GEMIN5: variants seen among roughly 807,000 people sequenced by gnomAD.
The protein encoded by GEMIN5 is gem-associated protein 5.
GEMIN5 carries 124 observed loss-of-function variants against 176.9 expected under a neutral mutation model. The observed-to-expected ratio is 0.70, with a 90% CI of 0.61 to 0.81. The LOEUF (loss-of-function observed/expected upper bound fraction) is 0.81. GEMIN5 is among the 40% of genes least tolerant of loss of function. The pLI is 0.00. For missense variants in GEMIN5, 1,843 were observed against 1,814.6 expected (o/e 1.02, Z -0.28); for synonymous variants, 673 against 665.2 (o/e 1.01, Z -0.18).
At position 154,896,245 on chromosome 5, in the gene GEMIN5, C is replaced by T. The variant is rs1763349904; in HGVS notation, c.3444G>A (p.Trp1148Ter). 1 of 1,613,856 alleles carries T rather than the reference C, an allele frequency of 6.2e-7. No individual in the cohort carries two copies. The highest frequency in any genetic ancestry group is 8.5e-7 in the Non-Finnish European group (1 of 1,179,918). ...EGKSSSSYHT[W>*]NTGTEGPFVE... is the part of the protein sequence containing the mutation. ...CGAAAGGCCCTTCGGTGCCCGTGTT[C>T]CAAGTGTGGTAAGAGGAGGAGCTTT... The change falls in exon 24 of 28, where the codon TGG (tryptophan) becomes TGA (stop). Residue 1148 changes from tryptophan (W) to a stop codon, truncating the protein, a stop_gained. Transcript: ENST00000285873. LOFTEE classifies it high-confidence loss of function.
Position 154,888,148 on chromosome 5 carries a change from C to T in GEMIN5, c.*62G>A. 2 of 1,474,980 alleles carry T rather than the reference C, an allele frequency of 1.4e-6. No individual in the cohort carries two copies. Among genetic ancestry groups the T allele is most frequent in the South Asian group, 1.1e-5 (1 of 87,950 alleles). The allele number at this position is 1,474,980 out of a possible 1,614,324, so 91.4% of individuals were successfully genotyped here. On this transcript the variant is annotated 3_prime_UTR_variant, in exon 28 of 28. Coordinates refer to ENST00000285873, the MANE Select transcript of GEMIN5 (RefSeq NM_015465.5). ...AGAGTGAATGTCTGGTGAGGCATAA[C>T]TGCAGAGGTGAAAGATGTCAAACAT... is the stretch of plus-strand genomic sequence containing the variant.
chr5:154,924,534 CT>C lies in GEMIN5; in HGVS notation c.1313del (p.Lys438ArgfsTer5). The C allele has an allele frequency of 1.2e-6, 2 of 1,611,568 alleles. No homozygotes were observed. The highest frequency in any genetic ancestry group is 1.7e-6 in the Non-Finnish European group (2 of 1,177,804). The part of the protein sequence containing the change: ...KVTALCWHPT[K>X]EGCLAFGTDD... The stretch of plus-strand genomic sequence containing the variant: ...CAGTTCCAAAAGCTAAGCAACCTTC[CT>C]TGGTTGGGTGCCAGCACAGCTACAA... On this transcript the variant is annotated frameshift_variant, in exon 9 of 28. Coordinates refer to ENST00000285873, the MANE Select transcript of GEMIN5 (RefSeq NM_015465.5). LOFTEE classifies it high-confidence loss of function.
At position 154,937,970 on chromosome 5, in the gene GEMIN5, C is replaced by A; in HGVS notation, c.164G>T (p.Arg55Leu). 6.4e-7 allele frequency: 1 copy of A among 1,572,510 alleles called. No individual in the cohort carries two copies. The highest frequency in any genetic ancestry group is 2.5e-5 in the East Asian group (1 of 39,430). ...AGESPGTPPFRVIGELVGHTE... is the reference protein window; with the variant it reads ...AGESPGTPPFLVIGELVGHTE... ...CGGGCCCAAGGGTGGTGAGTTACCT[C>A]GAAACGGGGGTGTCCCTGGACTCTC... The change falls in exon 1 of 28, where the codon CGA (arginine) becomes CTA (leucine). Residue 55 changes from arginine (R) to leucine (L), a missense_variant and splice_region_variant. Coordinates refer to ENST00000285873, the MANE Select transcript of GEMIN5 (RefSeq NM_015465.5).
Position 154,904,566 on chromosome 5 carries a change from C to T in GEMIN5, c.2573G>A (p.Arg858Lys), listed in dbSNP as rs1561714755. ...GTCCTGATGAAGCTCCTCTTTGGAT[C>T]TGTGGTCCAGGCTTGTACTCAGGGG... ...LLPLSTSLDH[R>K]SKEELHQDCL... The change falls in exon 18 of 28, where the codon AGA becomes AAA. Residue 858 changes from arginine to lysine, a missense_variant. Arg to Lys is a conservative substitution (Grantham distance 26). Coordinates refer to ENST00000285873, the MANE Select transcript of GEMIN5 (RefSeq NM_015465.5). The T allele has an allele frequency of 6.2e-7, 1 of 1,612,858 alleles. No homozygotes were observed. Among genetic ancestry groups the T allele is most frequent in the South Asian group, 1.1e-5 (1 of 91,058 alleles).
chr5:154,927,653 C>T (rs1382989813), intron 6 of GEMIN5, 103 bp from the exon 7 acceptor site: 33 of 847,092 alleles, frequency 3.9e-5, no homozygotes, highest in Admixed American at 7.3e-5. Context: ...GATTTGTTGT[C>T]GTTTAAGGAG....
Position 154,935,991 on chromosome 5 carries a change from C to G in GEMIN5, c.359G>C (p.Arg120Pro). ...HTISTLHWSP[R>P]VKDLIVSGDE... ...CCCAGATACTATTAAGTCCTTTACT[C>G]GAGGAGACCAATGTAATGTTGATAT... is the stretch of plus-strand genomic sequence containing the variant. Residue 120 changes from arginine (R) to proline (P), a missense_variant, in exon 3 of 28, where the codon CGA becomes CCA. By Grantham distance (103) the Arg-to-Pro change is moderately radical (BLOSUM62 -2). Coordinates refer to ENST00000285873, the MANE Select transcript of GEMIN5 (RefSeq NM_015465.5). 1 of 1,610,334 alleles carries G rather than the reference C, an allele frequency of 6.2e-7. No homozygotes were observed. Among genetic ancestry groups the G allele is most frequent in the Non-Finnish European group, 8.5e-7 (1 of 1,178,006 alleles).
chr5:154,889,523 A>G (rs1018281645), intron 26 of GEMIN5, 106 bp from the exon 27 acceptor site: 25 of 569,924 alleles, frequency 4.4e-5, no homozygotes, highest in Non-Finnish European at 7.5e-5. Flanking sequence ...AAAGCTTACC[A>G]TCTTAGCCAT....
chr5:154,896,921 C>T (rs1400975003), intron 23 of GEMIN5, among the ~76,000 whole-genome samples: 2 of 152,200 alleles, frequency 1.3e-5, no homozygotes, highest in African/African-American at 4.8e-5. Flanking sequence ...TCCTTGTGTA[C>T]TCCTATAACA....
chr5:154,892,746 C>A, intron 24 of GEMIN5, 197 bp from the exon 25 acceptor site: 2 of 567,030 alleles, frequency 3.5e-6, no homozygotes. Context: ...AGCACACACA[C>A]GTCCCGGTGT....
At chr5:154,925,839 A>G in intron 8 of GEMIN5, 23 bp downstream of exon 8, 1 of 1,424,066 alleles carries the variant, frequency 7.0e-7, no homozygotes, top group Non-Finnish European at 9.8e-7. Context: ...AGTTCAAAAC[A>G]AGCTCAAAAA....
chr5:154,931,119 CTT>C (rs1764153079), intron 5 of GEMIN5, among the ~76,000 whole-genome samples: 1 of 152,228 alleles, frequency 6.6e-6, no homozygotes, highest in Non-Finnish European at 1.5e-5. Flanking sequence ...AGCTCTAACT[CTT>C]AAGATATTTT....
At chr5:154,930,007 G>A (rs1383728283) in intron 5 of GEMIN5, among the ~76,000 whole-genome samples, 2 of 152,196 alleles carry the variant, frequency 1.3e-5, no homozygotes, top group Non-Finnish European at 2.9e-5. Flanking sequence ...ATGTCAGTAT[G>A]TTCAATTATT....
At position 154,911,823 on chromosome 5, in the gene GEMIN5, A is replaced by C. The variant is rs1226338004; in HGVS notation, c.2071T>G (p.Ser691Ala). Residue 691 changes from serine (S) to alanine (A), a missense_variant, in exon 15 of 28, where the codon TCT becomes GCT. Coordinates refer to ENST00000285873, the MANE Select transcript of GEMIN5 (RefSeq NM_015465.5). ...HRGRLLCVAW[S>A]PLDPDCIYSG... is the part of the protein sequence containing the mutation. ...TAGATGCAGTCTGGATCCAAAGGAG[A>C]CCATGCCACACAAAGCAGTCGACCT... The C allele has an allele frequency of 6.2e-7, 1 of 1,613,942 alleles. No homozygotes were observed. Among genetic ancestry groups the C allele is most frequent in the South Asian group, 1.1e-5 (1 of 91,070 alleles).
chr5:154,892,989 C>T (rs761533374), intron 24 of GEMIN5, among the ~76,000 whole-genome samples: 7 of 151,862 alleles, frequency 4.6e-5, no homozygotes, highest in African/African-American at 7.3e-5. Context: ...CCCAGCTACT[C>T]GGGAGGCTGA....
At chr5:154,936,927 T>G in intron 2 of GEMIN5, 98 bp downstream of exon 2, 1 of 858,632 alleles carries the variant, frequency 1.2e-6, no homozygotes, top group Non-Finnish European at 1.8e-6. Context: ...CAATTACAAG[T>G]TACTTTGCAC....
intron 17 of GEMIN5, among the ~76,000 whole-genome samples, 194 bp downstream of exon 17, chr5:154,905,169 G>A (rs965045521): frequency 6.6e-6 from 1 of 152,108 alleles, no homozygotes; most frequent in Non-Finnish European, 1.5e-5. Flanking sequence ...ACTCCAGCCT[G>A]GGTGACTGGA....
At chr5:154,922,697 G>GTT (rs941015595) in intron 9 of GEMIN5, among the ~76,000 whole-genome samples, 1,807 of 135,302 alleles carry the variant, frequency 0.013, 47 homozygotes, top group African/African-American at 0.044. Flanking sequence ...CTTTAAAACA[G>GTT]TTTTTTTTTT....
intron 27 of GEMIN5, among the ~76,000 whole-genome samples, 180 bp downstream of exon 27, chr5:154,889,141 G>C (rs900309772): frequency 6.7e-6 from 1 of 149,090 alleles, no homozygotes; most frequent in African/African-American, 2.4e-5. Flanking sequence ...CTCCCAAAGC[G>C]CTGGGATTAC....
In GEMIN5 at chr5:154,925,896, T is replaced by C. The variant is rs769324168; in HGVS notation, c.1259A>G (p.Asn420Ser). The C allele has an allele frequency of 1.2e-5, 19 of 1,613,470 alleles. No homozygotes were observed. Among genetic ancestry groups the C allele is most frequent in the Admixed American group, 1.0e-4 (6 of 59,986 alleles). The change falls in exon 8 of 28, where the codon AAT becomes AGT. Residue 420 changes from asparagine to serine, a missense_variant. By Grantham distance (46) the Asn-to-Ser change is conservative (BLOSUM62 1). Coordinates refer to ENST00000285873, the MANE Select transcript of GEMIN5 (RefSeq NM_015465.5). ...LSIKNNYDVK[N>S]FWQGVKSKVT... ...CTTGGACTTCACGCCTTGCCAAAAA[T>C]TTTTCACATCATAGTTGTTCTTTAT...
Sources: gnomAD v4.1 joint callset for allele counts (sites outside exome capture counted in the v4.1 genomes callset) on GRCh38, gnomAD v4.1.1 for gene constraint, MANE v1.5 for transcripts, NCBI Gene and HGNC (gene_info 2026-07-23, HGNC 2026-07-21) for gene names.